The following MAK16 variants were observed in gnomAD, a reference collection of about 807,000 sequenced individuals.
MAK16 encodes the protein protein MAK16 homolog.
In MAK16, 12 loss-of-function variants were observed where a neutral mutation model predicts 49.9. The ratio of observed to expected loss-of-function variants is 0.24; its 90% CI spans 0.15 to 0.39. The LOEUF (loss-of-function observed/expected upper bound fraction) is 0.39. Among genes scored for constraint, MAK16 ranks in the 10% least tolerant of loss-of-function variants. MAK16 has a pLI of 1.00. For missense variants in MAK16, 292 were observed against 363.7 expected, an observed-to-expected ratio of 0.80 and a Z score of 1.60; for synonymous variants, 115 against 126.4, an observed-to-expected ratio of 0.91 and a Z score of 0.60.
rs766784178 is a variant in MAK16 at position 33,498,550 on chromosome 8, C to T, written c.824C>T (p.Pro275Leu). 1 of 1,614,032 alleles carries T rather than the reference C, an allele frequency of 6.2e-7. No homozygotes were observed. The highest frequency in any genetic ancestry group is 2.2e-5 in the East Asian group (1 of 44,864). The change falls in exon 10 of 10, where the codon CCA becomes CTA. Residue 275 changes from proline to leucine, a missense_variant. By Grantham distance (98) the Pro-to-Leu change is moderately conservative. Coordinates refer to ENST00000360128, the MANE Select transcript of MAK16 (RefSeq NM_032509.4). ...KHKGKMPLRG[P>L]LQRKRAYVEI... The stretch of plus-strand genomic sequence containing the variant: ...AAAGGCAAAATGCCCTTGAGAGGAC[C>T]ACTGCAGAGAAAACGAGCCTATGTG...
intron 9 of MAK16, 56 bp downstream of exon 9, chr8:33,497,353 AAC>A (rs1491487777): frequency 0.076 from 50,690 of 663,630 alleles, 1,835 homozygotes; most frequent in East Asian, 0.096. Context: ...AAAAAAAAAA[AAC>A]AAAAACAGGG....
intron 1 of MAK16, among the ~76,000 whole-genome samples, chr8:33,488,071 G>A (rs1808715902): frequency 1.3e-5 from 2 of 152,146 alleles, no homozygotes; most frequent in African/African-American, 2.4e-5. Context: ...TAGGATTACA[G>A]GCATGCGCCA....
chr8:33,488,261 G>T, intron 1 of MAK16, 117 bp from the exon 2 acceptor site: 2 of 1,127,254 alleles, frequency 1.8e-6, no homozygotes, highest in Non-Finnish European at 2.6e-6. Context: ...AAACAAGTCA[G>T]GCTATTTTAC....
rs1808964567 is a variant in MAK16, at chr8:33,499,160, A to C, written c.*531A>C. 1 of 1,596,922 alleles carries C rather than the reference A, an allele frequency of 6.3e-7. No individual in the cohort carries two copies. Among genetic ancestry groups the C allele is most frequent in the Non-Finnish European group, 8.6e-7 (1 of 1,164,318 alleles). Reference sequence around the variant, plus strand: ...GAAGAAAATCCTTTCCTCTTGGGAAAGTAATACAAGTCTTAAGTTCCATTG... The same window carrying C: ...GAAGAAAATCCTTTCCTCTTGGGAACGTAATACAAGTCTTAAGTTCCATTG... On this transcript the variant is annotated 3_prime_UTR_variant, in exon 10 of 10. Coordinates refer to ENST00000360128, the MANE Select transcript of MAK16 (RefSeq NM_032509.4).
rs112188621 is a variant in MAK16, at chr8:33,497,829, C to G, written c.705+532C>G. On this transcript the variant is annotated intron_variant, in intron 9 of 9. Coordinates refer to ENST00000360128, the MANE Select transcript of MAK16 (RefSeq NM_032509.4). Reference sequence around the variant, plus strand: ...TAAAAATCATGACCAGGCGTGGTGGCTCACGCCTATAATCCTAGCACTTTG... The same window carrying G: ...TAAAAATCATGACCAGGCGTGGTGGGTCACGCCTATAATCCTAGCACTTTG... 7.6e-3 allele frequency among the ~76,000 whole-genome samples: 1,141 copies of G among 151,118 alleles called. 21 individuals carry two copies. Among genetic ancestry groups the G allele is most frequent in the African/African-American group, 0.026 (1,091 of 41,240 alleles).
intron 4 of MAK16, 57 bp from the exon 5 acceptor site, chr8:33,488,931 G>GA (rs368298814): frequency 7.4e-6 from 12 of 1,611,650 alleles, no homozygotes; most frequent in Non-Finnish European, 1.0e-5. Flanking sequence ...CACTGACAGT[G>GA]AAAACCTAAT....
At chr8:33,492,100 C>T (rs890110965) in intron 6 of MAK16, among the ~76,000 whole-genome samples, 10 of 152,000 alleles carry the variant, frequency 6.6e-5, no homozygotes, top group African/African-American at 2.4e-4. Flanking sequence ...ACCTCTGCCT[C>T]CCAGGTTCAA....
In MAK16 at chr8:33,499,342, G is replaced by T; in HGVS notation, c.*713G>T. ...TTTTAATTACTTTCCCCTTTTGCTT[G>T]ATTCTTCTTCCTTGGTATCATATTC... On this transcript the variant is annotated 3_prime_UTR_variant, in exon 10 of 10. Transcript: ENST00000360128. 8.7e-7 allele frequency: 1 copy of T among 1,154,906 alleles called. No homozygotes were observed. The highest frequency in any genetic ancestry group is 1.3e-6 in the Non-Finnish European group (1 of 773,754). The allele number at this position is 1,154,906 out of a possible 1,614,324, so 71.5% of individuals were successfully genotyped here. A position where few individuals can be genotyped will look rare whatever the true frequency, so the allele number is the denominator to read the frequency against.
At chr8:33,486,437 A>C (rs944551938) in intron 1 of MAK16, among the ~76,000 whole-genome samples, 1 of 152,188 alleles carries the variant, frequency 6.6e-6, no homozygotes, top group Non-Finnish European at 1.5e-5. Context: ...CTGAGGTCCC[A>C]GTTACTTCGA....
In MAK16 at chr8:33,500,409, A is replaced by C; in HGVS notation, c.*1780A>C. ...GTAGCAGGGCGCTCTTAACAGACTCAGGTGTAAGGTTTGGATCCCTTGCTA... is the reference window on the plus strand; with the variant it reads ...GTAGCAGGGCGCTCTTAACAGACTCCGGTGTAAGGTTTGGATCCCTTGCTA... On this transcript the variant is annotated 3_prime_UTR_variant, in exon 10 of 10. Transcript: ENST00000360128. The C allele has an allele frequency of 1.9e-6, 3 of 1,614,200 alleles. No individual in the cohort carries two copies. Among genetic ancestry groups the C allele is most frequent in the South Asian group, 2.2e-5 (2 of 91,092 alleles).
At chr8:33,485,570 A>C in intron 1 of MAK16, 2 of 383,038 alleles carry the variant, frequency 5.2e-6, no homozygotes, top group South Asian at 3.6e-5. Context: ...GGCGAAGCTG[A>C]CTCCAAGTTT....
Position 33,498,747 on chromosome 8 carries a change from A to G in MAK16, c.*118A>G. Reference sequence around the variant, plus strand: ...TCTTTTGTGTTGTACTGAACACAATATTTGTGTTTTTATTATTTATGCCAC... The same window carrying G: ...TCTTTTGTGTTGTACTGAACACAATGTTTGTGTTTTTATTATTTATGCCAC... On this transcript the variant is annotated 3_prime_UTR_variant, in exon 10 of 10. Coordinates refer to ENST00000360128, the MANE Select transcript of MAK16 (RefSeq NM_032509.4). 2.3e-6 allele frequency: 2 copies of G among 857,856 alleles called. No individual in the cohort carries two copies. Among genetic ancestry groups the G allele is most frequent in the Admixed American group, 2.9e-5 (1 of 34,114 alleles). 53.1% of individuals were successfully genotyped at this position (857,856 alleles called of 1,614,324 possible). A position where few individuals can be genotyped will look rare whatever the true frequency, so the allele number is the denominator to read the frequency against.
intron 6 of MAK16, among the ~76,000 whole-genome samples, chr8:33,494,139 TCTCGGCTCACTGCAAC>T (rs1233775784): frequency 6.6e-6 from 1 of 152,230 alleles, no homozygotes; most frequent in Non-Finnish European, 1.5e-5. Flanking sequence ...AGTGGCGCCA[TCTCGGCTCACTGCAAC>T]CTCCACCTCC....
chr8:33,498,142 G>A (rs113044160), intron 9 of MAK16, among the ~76,000 whole-genome samples: 10,143 of 150,292 alleles, frequency 0.067, 649 homozygotes, highest in African/African-American at 0.17. Context: ...ATGTGGTGGC[G>A]GTTGCCTGTA....
Position 33,498,438 on chromosome 8 carries a change from G to C in MAK16, c.712G>C (p.Asp238His). 1 of 1,613,990 alleles carries C rather than the reference G, an allele frequency of 6.2e-7. No homozygotes were observed. The highest frequency in any genetic ancestry group is 1.3e-5 in the African/African-American group (1 of 75,006). ...ESDISDFEDM[D>H]KLDASSDEDQ... ...TTTTCTCTCCCCGTAATAGGATATG[G>C]ATAAACTGGATGCCAGCAGTGATGA... is the stretch of plus-strand genomic sequence containing the variant. Residue 238 changes from aspartate (D) to histidine (H), a missense_variant, in exon 10 of 10, where the codon GAT (aspartate) becomes CAT (histidine). Coordinates refer to ENST00000360128, the MANE Select transcript of MAK16 (RefSeq NM_032509.4).
At chr8:33,488,823 T>G in intron 4 of MAK16, 25 bp downstream of exon 4, 1 of 1,613,174 alleles carries the variant, frequency 6.2e-7, no homozygotes, top group Non-Finnish European at 8.5e-7. Flanking sequence ...AAAACTACAG[T>G]GACCGCTGAT....
At chr8:33,490,059 G>A (rs895471052) in intron 5 of MAK16, among the ~76,000 whole-genome samples, 3 of 152,132 alleles carry the variant, frequency 2.0e-5, no homozygotes, top group Admixed American at 2.0e-4. Flanking sequence ...TTCTAGAAGC[G>A]TTTAGTGTAT....
At position 33,499,577 on chromosome 8, in the gene MAK16, A is replaced by C; in HGVS notation, c.*948A>C. On this transcript the variant is annotated 3_prime_UTR_variant, in exon 10 of 10. Transcript: ENST00000360128. ...ATTCAGTTGGATCTAGGGCTTGAAA[A>C]CTGCCCAAGATTAAAGAGCTAAGAT... 1 of 294,562 alleles carries C rather than the reference A, an allele frequency of 3.4e-6. No homozygotes were observed. The highest frequency in any genetic ancestry group is 7.5e-5 in the East Asian group (1 of 13,312). 18.2% of individuals were successfully genotyped at this position (294,562 alleles called of 1,614,324 possible). A position where few individuals can be genotyped will look rare whatever the true frequency, so the allele number is the denominator to read the frequency against.
At chr8:33,493,346 G>A (rs1366905387) in intron 6 of MAK16, among the ~76,000 whole-genome samples, 1 of 152,114 alleles carries the variant, frequency 6.6e-6, no homozygotes. Context: ...TAGAGATGGG[G>A]TTTCACCACA....
Sources: allele counts gnomAD v4.1 joint callset (sites outside exome capture counted in the v4.1 genomes callset), GRCh38; gene constraint gnomAD v4.1.1; transcripts MANE v1.5; gene names NCBI Gene and HGNC (gene_info 2026-07-23, HGNC 2026-07-21).